Variants in GLDN observed in about 807,000 individuals in gnomAD.
GLDN encodes the protein gliomedin, also known as collomin.
In GLDN, 47 loss-of-function variants were observed where a neutral mutation model predicts 56.5. The observed-to-expected ratio is 0.83, with a 90% CI of 0.66 to 1.06. GLDN has a LOEUF of 1.06. GLDN is among the 50% of genes least tolerant of loss of function. The pLI is 0.00. For synonymous variants in GLDN, 332 were observed against 278.8 expected (o/e 1.19, Z -1.90); for missense variants, 782 against 714.3 (o/e 1.09, Z -1.08).
intron 9 of GLDN, among the ~76,000 whole-genome samples, chr15:51,402,967 C>T (rs1354153754): frequency 1.3e-5 from 2 of 152,196 alleles, no homozygotes; most frequent in Admixed American, 6.5e-5. Context: ...CTCTTTCCTC[C>T]GATGCTTCTC....
At chr15:51,343,085 G>A (rs2036915061) in intron 1 of GLDN, among the ~76,000 whole-genome samples, 1 of 152,054 alleles carries the variant, frequency 6.6e-6, no homozygotes, top group South Asian at 2.1e-4. Flanking sequence ...GAAAGATTTC[G>A]GCTATTACCT....
intron 4 of GLDN, among the ~76,000 whole-genome samples, chr15:51,392,864 A>G (rs572998568): frequency 6.6e-6 from 1 of 152,242 alleles, no homozygotes; most frequent in Non-Finnish European, 1.5e-5. Context: ...ATAAACAATC[A>G]TGACATCTGC....
chr15:51,412,297 T>A, downstream of GLDN, among the ~76,000 whole-genome samples: 1 of 152,244 alleles, frequency 6.6e-6, no homozygotes, highest in Non-Finnish European at 1.5e-5. Flanking sequence ...TACCTACGAT[T>A]CCTCTATGCT....
At chr15:51,384,234 G>C (rs1189856864) in intron 4 of GLDN, 1 of 320,078 alleles carries the variant, frequency 3.1e-6, no homozygotes, top group Non-Finnish European at 5.8e-6. Flanking sequence ...GCTCTTTCGA[G>C]GCTCAGCTCC....
intron 8 of GLDN, 44 bp downstream of exon 8, chr15:51,400,542 A>G (rs1358058052): frequency 6.3e-7 from 1 of 1,589,474 alleles, no homozygotes; most frequent in African/African-American, 1.3e-5. Flanking sequence ...TGGTAACTGT[A>G]TTTTTCATCT....
At chr15:51,396,827 T>C (rs1478530014) in intron 5 of GLDN, among the ~76,000 whole-genome samples, 2 of 152,238 alleles carry the variant, frequency 1.3e-5, no homozygotes, top group Non-Finnish European at 2.9e-5. Flanking sequence ...AAGATTGAAC[T>C]GGGTTTAGTA....
chr15:51,347,060 A>C (rs2036990997), intron 1 of GLDN, among the ~76,000 whole-genome samples: 1 of 152,172 alleles, frequency 6.6e-6, no homozygotes, highest in Non-Finnish European at 1.5e-5. Context: ...GGAGGACTCC[A>C]TCTCAAAAAA....
At chr15:51,380,246 G>A (rs576414391) in intron 2 of GLDN, among the ~76,000 whole-genome samples, 3 of 152,266 alleles carry the variant, frequency 2.0e-5, no homozygotes, top group African/African-American at 4.8e-5. Context: ...TCTAGACGGC[G>A]ACTGCAGAGC....
At position 51,344,795 on chromosome 15, in the gene GLDN, T is replaced by C. The variant is rs537917823; in HGVS notation, c.363+2748T>C. On this transcript the variant is annotated intron_variant, in intron 1 of 9. Coordinates refer to ENST00000335449, the MANE Select transcript of GLDN (RefSeq NM_181789.4). Reference sequence around the variant, plus strand: ...ACTGATACTTTGAGTTTCTCTACTGTTGGCTGAAAATACATCAACTCAGCA... The same window carrying C: ...ACTGATACTTTGAGTTTCTCTACTGCTGGCTGAAAATACATCAACTCAGCA... Among the ~76,000 whole-genome samples, 30 of 152,376 alleles carry C rather than the reference T, an allele frequency of 2.0e-4. 1 individual carries two copies. In the South Asian group the frequency reaches 6.0e-3, roughly 30 times the overall value.
At position 51,406,859 on chromosome 15, in the gene GLDN, T is replaced by C. The variant is rs2038394286; in HGVS notation, c.*2105T>C. The C allele has an allele frequency of 6.6e-6, 1 of 152,232 alleles. No individual in the cohort carries two copies. Among genetic ancestry groups the C allele is most frequent in the South Asian group, 2.1e-4 (1 of 4,830 alleles). 9.4% of individuals were successfully genotyped at this position (152,232 alleles called of 1,614,324 possible). ...GATTCACGTTCTCTAACAAAGAGTC[T>C]CATGTTCAAGATCAATATGTCTAAT... is the stretch of plus-strand genomic sequence containing the variant. On this transcript the variant is annotated 3_prime_UTR_variant, in exon 10 of 10. Transcript: ENST00000335449.
chr15:51,366,595 C>T (rs185716500), intron 1 of GLDN, among the ~76,000 whole-genome samples: 93 of 152,344 alleles, frequency 6.1e-4, no homozygotes, highest in African/African-American at 1.7e-3. Context: ...GGTGATTAGA[C>T]TTTCATGAAT....
intron 1 of GLDN, among the ~76,000 whole-genome samples, chr15:51,356,474 A>G (rs1217696965): frequency 6.6e-6 from 1 of 152,200 alleles, no homozygotes. Context: ...AGGAAAACTG[A>G]GATAAGAAAG....
chr15:51,381,216 T>C (rs552294245), intron 2 of GLDN, among the ~76,000 whole-genome samples: 6 of 152,354 alleles, frequency 3.9e-5, no homozygotes, highest in African/African-American at 9.6e-5. Context: ...TACTGATGCA[T>C]GGACGTGGTT....
In GLDN at chr15:51,377,451, C is replaced by T; in HGVS notation, c.366C>T (p.Ile122=). The T allele has an allele frequency of 6.2e-7, 1 of 1,613,888 alleles. No individual in the cohort carries two copies. The highest frequency in any genetic ancestry group is 8.5e-7 in the Non-Finnish European group (1 of 1,179,798). The stretch of plus-strand genomic sequence containing the variant: ...TGATGACCCTCTCTCCCCTGCAGAT[C>T]CGAGTGATGGTGGACCTGTGCAACA... ...LMMMTYSMVP[I]RVMVDLCNST... Residue 122 remains isoleucine, a splice_region_variant and synonymous_variant, in exon 2 of 10, where the codon ATC becomes ATT. Transcript: ENST00000335449.
At chr15:51,368,634 A>G (rs2037454631) in intron 1 of GLDN, among the ~76,000 whole-genome samples, 1 of 151,844 alleles carries the variant, frequency 6.6e-6, no homozygotes, top group African/African-American at 2.4e-5. Flanking sequence ...TATTGTGCAT[A>G]CAAAGAAATG....
At chr15:51,380,828 G>T (rs909420069) in intron 2 of GLDN, among the ~76,000 whole-genome samples, 1 of 152,160 alleles carries the variant, frequency 6.6e-6, no homozygotes, top group South Asian at 2.1e-4. Flanking sequence ...AAGACTAGCA[G>T]CTCTGGACCT....
intron 4 of GLDN, 110 bp from the exon 5 acceptor site, chr15:51,394,725 G>A (rs2038087892): frequency 9.9e-7 from 1 of 1,012,498 alleles, no homozygotes; most frequent in South Asian, 1.5e-5. Flanking sequence ...AATGCTGTGT[G>A]TTTGGTATAT....
chr15:51,371,056 G>A (rs1225564680), intron 1 of GLDN, among the ~76,000 whole-genome samples: 1 of 152,008 alleles, frequency 6.6e-6, no homozygotes, highest in African/African-American at 2.4e-5. Context: ...TCAGTCTCTA[G>A]GGGGAAGAAT....
At chr15:51,410,831 C>A (rs944759639), downstream of GLDN, among the ~76,000 whole-genome samples, 3 of 152,096 alleles carry the variant, frequency 2.0e-5, no homozygotes, top group Admixed American at 2.0e-4. Context: ...TTTATATTTA[C>A]TGAATCTGGC....
Sources: allele counts gnomAD v4.1 joint callset (sites outside exome capture counted in the v4.1 genomes callset), GRCh38; gene constraint gnomAD v4.1.1; transcripts MANE v1.5; gene names NCBI Gene and HGNC (gene_info 2026-07-23, HGNC 2026-07-21).